Variants in PTPRN2 observed in about 807,000 individuals in gnomAD.
The protein encoded by PTPRN2 is receptor-type tyrosine-protein phosphatase N2.
PTPRN2 carries 74 observed loss-of-function variants against 118.8 expected under a neutral mutation model. That is an observed-to-expected ratio of 0.62 (90% CI 0.52 to 0.76). PTPRN2 has a LOEUF of 0.76. Ranked by LOEUF, PTPRN2 falls within the 30% of genes least tolerant of loss-of-function variation. The pLI is 0.00. For missense variants in PTPRN2, 1,481 were observed against 1,394.4 expected (o/e 1.06, Z -0.99); for synonymous variants, 641 against 608.0 (o/e 1.05, Z -0.80).
intron 6 of PTPRN2, among the ~76,000 whole-genome samples, chr7:158,143,359 C>G (rs968263634): frequency 9.2e-5 from 14 of 152,330 alleles, no homozygotes; most frequent in Admixed American, 1.3e-4. Flanking sequence ...GGAACCGGCA[C>G]AGCTGCAGGG....
rs1402788556 is a variant in PTPRN2, at chr7:157,595,384, G to A, written c.2419-69C>T. On this transcript the variant is annotated intron_variant, in intron 16 of 22. Transcript: ENST00000389418. ...GGAAGCCTGGAGGTTAGGAAGCCTG[G>A]AGGTTAGGAAGCCAGAAGGTTAGGA... 2.8e-6 allele frequency: 4 copies of A among 1,421,002 alleles called. No homozygotes were observed. In the African/African-American group the frequency reaches 6.4e-5, roughly 23 times the overall value. The allele number at this position is 1,421,002 out of a possible 1,614,324, so 88.0% of individuals were successfully genotyped here. A position where few individuals can be genotyped will look rare whatever the true frequency, so the allele number is the denominator to read the frequency against.
intron 2 of PTPRN2, among the ~76,000 whole-genome samples, chr7:158,440,802 GGTGATGGTGGTAGTAGTA>G (rs1816960457): frequency 8.8e-6 from 1 of 113,152 alleles, no homozygotes; most frequent in African/African-American, 3.9e-5. Context: ...GGGTGGTAGT[GGTGATGGTGGTAGTAGTA>G]GTGGTGGTGG....
At chr7:158,162,501 C>T (rs1435883769) in intron 6 of PTPRN2, among the ~76,000 whole-genome samples, 1 of 152,076 alleles carries the variant, frequency 6.6e-6, no homozygotes, top group Non-Finnish European at 1.5e-5. Context: ...TCTGAAAAGG[C>T]CACATATTGT....
intron 4 of PTPRN2, among the ~76,000 whole-genome samples, chr7:158,196,552 C>A (rs1207395261): frequency 6.9e-6 from 1 of 144,282 alleles, no homozygotes. Flanking sequence ...AACCTCTCCT[C>A]GGCCAAACCC....
At chr7:158,154,294 C>T (rs1264725915) in intron 6 of PTPRN2, among the ~76,000 whole-genome samples, 1 of 152,226 alleles carries the variant, frequency 6.6e-6, no homozygotes, top group Non-Finnish European at 1.5e-5. Context: ...CAGCCTCTTC[C>T]AGCCTCATGA....
chr7:158,381,863 T>G (rs539227100), intron 2 of PTPRN2, among the ~76,000 whole-genome samples: 1 of 152,282 alleles, frequency 6.6e-6, no homozygotes, highest in East Asian at 1.9e-4. Context: ...AGAGAGTTTG[T>G]GCAGAGAAAC....
chr7:158,066,842 G>C (rs1407086501), intron 11 of PTPRN2, among the ~76,000 whole-genome samples: 1 of 152,140 alleles, frequency 6.6e-6, no homozygotes, highest in African/African-American at 2.4e-5. Flanking sequence ...TGGGACATAT[G>C]GGGTGGCTGA....
intron 12 of PTPRN2, among the ~76,000 whole-genome samples, chr7:157,879,385 A>ATGCACGTGCATGTGCACG (rs1563201246): frequency 1.3e-5 from 2 of 152,036 alleles, no homozygotes; most frequent in African/African-American, 4.8e-5. Context: ...GCATGTGCAC[A>ATGCACGTGCATGTGCACG]CACACACACT....
intron 3 of PTPRN2, among the ~76,000 whole-genome samples, chr7:158,246,942 G>A (rs1796294878): frequency 1.3e-5 from 2 of 152,206 alleles, no homozygotes; most frequent in South Asian, 2.1e-4. Context: ...TTTCTGTGAT[G>A]AGGCCATCAG....
chr7:158,353,673 A>G (rs908377009), intron 2 of PTPRN2, among the ~76,000 whole-genome samples: 1 of 152,184 alleles, frequency 6.6e-6, no homozygotes, highest in Admixed American at 6.5e-5. Flanking sequence ...CCAGGAACAG[A>G]AAAACCCCGA....
intron 11 of PTPRN2, among the ~76,000 whole-genome samples, chr7:158,042,177 G>C (rs1286275220): frequency 6.6e-6 from 1 of 152,104 alleles, no homozygotes; most frequent in Non-Finnish European, 1.5e-5. Context: ...ACCAGCTTTT[G>C]GGTGCATACT....
chr7:158,274,344 A>AGGAGCCGCAGACACAGG (rs11402798), intron 3 of PTPRN2, among the ~76,000 whole-genome samples: 6 of 112,822 alleles, frequency 5.3e-5, no homozygotes, highest in African/African-American at 1.2e-4. Context: ...CAGACGCGGG[A>AGGAGCCGCAGACACAGG]GAGCCACAGA....
chr7:157,847,202 T>C (rs1808898973), intron 12 of PTPRN2, among the ~76,000 whole-genome samples: 1 of 135,640 alleles, frequency 7.4e-6, no homozygotes. Context: ...GTGCCCGATG[T>C]TTACAGAGCC....
Position 158,199,656 on chromosome 7 carries a change from T to A in PTPRN2, c.380+5515A>T, listed in dbSNP as rs77498718. Among the ~76,000 whole-genome samples the A allele has an allele frequency of 9.3e-3, 1,352 of 145,010 alleles. 24 individuals carry two copies. Among genetic ancestry groups the A allele is most frequent in the African/African-American group, 0.031 (1,281 of 41,022 alleles). On this transcript the variant is annotated intron_variant, in intron 4 of 22. Transcript: ENST00000389418. ...GCTGTGAAGCTCAGAATGCTCTGAA[T>A]ACACATGGAGTGGAGAAAGCCAGGT...
rs77294931 is a variant in PTPRN2 at position 157,823,587 on chromosome 7, C to T, written c.1788+75086G>A. ...TAGGATCCCTGTTGTCTTCATCCCC[C>T]AAGGATGTTCTGGTTTGGAAGTTGT... On this transcript the variant is annotated intron_variant, in intron 12 of 22. Transcript: ENST00000389418. 3.5e-3 allele frequency among the ~76,000 whole-genome samples: 529 copies of T among 152,328 alleles called. 5 individuals carry two copies. Among genetic ancestry groups the T allele is most frequent in the African/African-American group, 0.012 (497 of 41,566 alleles).
At chr7:157,810,551 C>T (rs1045334808) in intron 12 of PTPRN2, among the ~76,000 whole-genome samples, 15 of 116,754 alleles carry the variant, frequency 1.3e-4, no homozygotes, top group African/African-American at 2.1e-4. Flanking sequence ...GGGACGGGGA[C>T]GGCGGGACTG....
chr7:158,022,268 G>A lies in PTPRN2; in HGVS notation c.1723+59030C>T, dbSNP rs899184330. On this transcript the variant is annotated intron_variant, in intron 11 of 22. Transcript: ENST00000389418. The surrounding 1 kb of genome is among the most constrained non-coding windows in gnomAD (Gnocchi z 4.6). ...CCCATTGCTGACCCTACAGCATGAT[G>A]ACTCCGTTTCCTACACGGTTCCGAG... 1.3e-5 allele frequency among the ~76,000 whole-genome samples: 2 copies of A among 152,222 alleles called. No homozygotes were observed. Among genetic ancestry groups the A allele is most frequent in the African/African-American group, 4.8e-5 (2 of 41,454 alleles).
intron 2 of PTPRN2, among the ~76,000 whole-genome samples, chr7:158,379,468 T>G (rs1027399019): frequency 6.6e-6 from 1 of 152,166 alleles, no homozygotes; most frequent in African/African-American, 2.4e-5. Flanking sequence ...CCTCAGAAAC[T>G]GCAGCCAAAC....
intron 5 of PTPRN2, among the ~76,000 whole-genome samples, chr7:158,177,875 G>C (rs1410624666): frequency 6.6e-6 from 1 of 152,194 alleles, no homozygotes; most frequent in Non-Finnish European, 1.5e-5. Context: ...CGTTTGTCTT[G>C]AGTAGAAGTG....
Sources: gnomAD v4.1 joint callset for allele counts (sites outside exome capture counted in the v4.1 genomes callset) on GRCh38, gnomAD v4.1.1 for gene constraint, Gnocchi (gnomAD v3.1) non-coding constraint, MANE v1.5 for transcripts, NCBI Gene and HGNC (gene_info 2026-07-23, HGNC 2026-07-21) for gene names.